Variants in BTD observed in about 807,000 individuals in gnomAD.
BTD encodes the protein biotinidase, also known as biocytinase.
BTD carries 13 observed loss-of-function variants against 17.7 expected under a neutral mutation model. The observed-to-expected ratio is 0.74, with a 90% CI of 0.48 to 1.17. The LOEUF is 1.17. BTD is among the 50% of genes most tolerant of loss of function. BTD has a pLI of 0.00. For synonymous variants in BTD, 240 were observed against 245.2 expected (o/e 0.98, Z 0.20); for missense variants, 674 against 650.4 (o/e 1.04, Z -0.39).
At chr3:15,628,899 GC>G (rs1407025943) in intron 1 of BTD, among the ~76,000 whole-genome samples, 3 of 151,780 alleles carry the variant, frequency 2.0e-5, no homozygotes, top group African/African-American at 4.8e-5. Context: ...CTACCATATT[GC>G]CCCCCACCTT....
chr3:15,702,087 A>G (rs898670142), intron 3 of BTD, among the ~76,000 whole-genome samples: 8 of 152,252 alleles, frequency 5.3e-5, no homozygotes, highest in Admixed American at 2.0e-4. Context: ...ATAAATTTTC[A>G]TAATTACTCT....
At position 15,653,122 on chromosome 3, in the gene BTD, A is replaced by C. The variant is rs552305468; in HGVS notation, c.*7634A>C. Among the ~76,000 whole-genome samples, 3 of 152,350 alleles carry C rather than the reference A, an allele frequency of 2.0e-5. No homozygotes were observed. Among genetic ancestry groups the C allele is most frequent in the African/African-American group, 7.2e-5 (3 of 41,584 alleles). ...GGCTCTCGAAAGGTGGGCTCCAGGCAGCAGCACCAGTAGCACCTGGGAAAT... is the reference window on the plus strand; with the variant it reads ...GGCTCTCGAAAGGTGGGCTCCAGGCCGCAGCACCAGTAGCACCTGGGAAAT... On this transcript the variant is annotated 3_prime_UTR_variant, in exon 4 of 4. Transcript: ENST00000643237.
chr3:15,642,197 A>G, intron 3 of BTD, 140 bp downstream of exon 3: 1 of 1,513,928 alleles, frequency 6.6e-7, no homozygotes, highest in African/African-American at 1.4e-5. Context: ...CCAAAGATCC[A>G]TGTGCCACAT....
upstream of BTD, chr3:15,601,649 T>C: frequency 1.9e-6 from 3 of 1,553,282 alleles, no homozygotes; most frequent in Admixed American, 5.9e-5. Flanking sequence ...CCGGGAGAGG[T>C]GAGAATGTAA....
intron 3 of BTD, among the ~76,000 whole-genome samples, chr3:15,664,529 A>G (rs906318693): frequency 6.6e-6 from 1 of 152,174 alleles, no homozygotes; most frequent in Non-Finnish European, 1.5e-5. Flanking sequence ...TGCTCCTGAG[A>G]TTGCTGACAG....
intron 1 of BTD, among the ~76,000 whole-genome samples, chr3:15,605,660 TTA>T (rs145613646): frequency 2.0e-5 from 3 of 150,888 alleles, no homozygotes; most frequent in Non-Finnish European, 4.4e-5. Flanking sequence ...GTTTTGACAG[TTA>T]TATATATATA....
At chr3:15,700,239 T>C (rs936843286) in intron 3 of BTD, among the ~76,000 whole-genome samples, 1 of 151,972 alleles carries the variant, frequency 6.6e-6, no homozygotes, top group Non-Finnish European at 1.5e-5. Flanking sequence ...TAAGTGGAAG[T>C]TGAGCAATGA....
At chr3:15,631,178 A>G (rs569138789) in intron 1 of BTD, among the ~76,000 whole-genome samples, 4 of 152,340 alleles carry the variant, frequency 2.6e-5, no homozygotes, top group Admixed American at 6.5e-5. Flanking sequence ...AGAAATGTAT[A>G]CTATGCCGGT....
At chr3:15,705,054 C>T (rs1393414909) in intron 3 of BTD, among the ~76,000 whole-genome samples, 2 of 152,118 alleles carry the variant, frequency 1.3e-5, no homozygotes, top group African/African-American at 4.8e-5. Context: ...CAAATGGGTA[C>T]AGTATGGAAA....
chr3:15,609,549 A>G (rs2064554987), intron 1 of BTD, among the ~76,000 whole-genome samples: 2 of 152,292 alleles, frequency 1.3e-5, no homozygotes, highest in Admixed American at 1.3e-4. Flanking sequence ...TACTCCCAAC[A>G]TTTGTGTATG....
rs2004783 is a variant in BTD, at chr3:15,649,948, T to G, written c.*4460T>G. Among the ~76,000 whole-genome samples the G allele has an allele frequency of 0.11, 17,008 of 152,298 alleles. 1,251 individuals are homozygous for G. Among genetic ancestry groups the G allele is most frequent in the East Asian group, 0.4 (2,060 of 5,184 alleles). On this transcript the variant is annotated 3_prime_UTR_variant, in exon 4 of 4. Transcript: ENST00000643237. ...AGCCCTAAAGAAGGTTTGCTACAGCTATTTTACAGATGGGGAAAACTGACA... is the reference window on the plus strand; with the variant it reads ...AGCCCTAAAGAAGGTTTGCTACAGCGATTTTACAGATGGGGAAAACTGACA...
intron 4 of BTD, among the ~76,000 whole-genome samples, chr3:15,720,300 A>C (rs927376274): frequency 6.6e-6 from 1 of 152,176 alleles, no homozygotes; most frequent in Non-Finnish European, 1.5e-5. Context: ...ATTTGAAAAG[A>C]TCTGTAGAGT....
At chr3:15,630,392 A>T (rs2065177198) in intron 1 of BTD, among the ~76,000 whole-genome samples, 1 of 152,222 alleles carries the variant, frequency 6.6e-6, no homozygotes, top group Non-Finnish European at 1.5e-5. Context: ...CTGTCTATAG[A>T]AAGTGAAAGA....
chr3:15,705,835 C>A (rs1035799605), intron 3 of BTD, among the ~76,000 whole-genome samples: 10 of 150,498 alleles, frequency 6.6e-5, no homozygotes, highest in African/African-American at 2.5e-4. Flanking sequence ...TCTGTCTCTA[C>A]TAAAATTACA....
At chr3:15,624,640 G>A (rs2065026164) in intron 1 of BTD, among the ~76,000 whole-genome samples, 1 of 147,814 alleles carries the variant, frequency 6.8e-6, no homozygotes, top group South Asian at 2.1e-4. Context: ...TTTTTTTTCA[G>A]TAGAGCCTGT....
At chr3:15,720,825 A>G (rs962525850) in intron 4 of BTD, 3 of 1,158,774 alleles carry the variant, frequency 2.6e-6, no homozygotes, top group East Asian at 5.0e-5. Flanking sequence ...GTTTATCAAT[A>G]TTCCTTTTTA....
At chr3:15,641,771 A>T (rs926308604) in intron 2 of BTD, 137 bp from the exon 3 acceptor site, 1 of 709,982 alleles carries the variant, frequency 1.4e-6, no homozygotes, top group African/African-American at 1.7e-5. Context: ...GAGTAAAGAC[A>T]CCATCTCTGT....
At chr3:15,654,738 A>ATTTTTTT (rs60086899), downstream of BTD, among the ~76,000 whole-genome samples, 1 of 140,806 alleles carries the variant, frequency 7.1e-6, no homozygotes, top group Admixed American at 7.1e-5. Context: ...CACTTGGCTA[A>ATTTTTTT]TTTTTTTTTT....
rs891234662 is a variant in BTD, at chr3:15,604,985, C to G, written c.-17+3091C>G. Among the ~76,000 whole-genome samples, 3 of 152,210 alleles carry G rather than the reference C, an allele frequency of 2.0e-5. No individual in the cohort carries two copies. In the South Asian group the frequency reaches 6.2e-4, roughly 32 times the overall value. ...CTCCAAGTCTCTAGGAAGTTCCAGACTTTCCCACATTTTCCTATCTTCTTC... is the reference window on the plus strand; with the variant it reads ...CTCCAAGTCTCTAGGAAGTTCCAGAGTTTCCCACATTTTCCTATCTTCTTC... On this transcript the variant is annotated intron_variant, in intron 1 of 3. Coordinates refer to ENST00000643237, the MANE Select transcript of BTD (RefSeq NM_001370658.1).
Sources: allele counts gnomAD v4.1 joint callset (sites outside exome capture counted in the v4.1 genomes callset), GRCh38; gene constraint gnomAD v4.1.1; transcripts MANE v1.5; gene names NCBI Gene and HGNC (gene_info 2026-07-23, HGNC 2026-07-21).